CSMD1: variants seen among roughly 807,000 people sequenced by gnomAD.
CSMD1 encodes CUB and sushi domain-containing protein 1.
A neutral mutation model predicts 417.5 loss-of-function variants in CSMD1; 213 were observed. That is an observed-to-expected ratio of 0.51 (90% confidence interval 0.46 to 0.57). CSMD1 has a LOEUF of 0.57. Ranked by LOEUF, CSMD1 falls within the 20% of genes least tolerant of loss-of-function variation. The pLI is 0.00. For missense variants in CSMD1, 6,923 were observed against 4,529.7 expected, an observed-to-expected ratio of 1.53 and a Z score of -15.17; for synonymous variants, 2,862 against 1,736.8, an observed-to-expected ratio of 1.65 and a Z score of -16.11.
chr8:3,692,424 G>A (rs978644684), intron 7 of CSMD1, among the ~76,000 whole-genome samples: 1 of 150,734 alleles, frequency 6.6e-6, no homozygotes, highest in Non-Finnish European at 1.5e-5. Context: ...TAAGCCACCA[G>A]ACATTTATAC....
chr8:3,066,688 T>A (rs947555075), intron 49 of CSMD1, among the ~76,000 whole-genome samples: 1 of 152,172 alleles, frequency 6.6e-6, no homozygotes, highest in Non-Finnish European at 1.5e-5. Flanking sequence ...GCTCTGTAGA[T>A]TCCAAACAGA....
chr8:3,478,209 C>A (rs10090206), intron 11 of CSMD1, among the ~76,000 whole-genome samples: 1 of 152,030 alleles, frequency 6.6e-6, no homozygotes, highest in Non-Finnish European at 1.5e-5. Context: ...CATTTACAAT[C>A]GCTATTTTAA....
chr8:3,869,770 G>A (rs902022619), intron 5 of CSMD1, among the ~76,000 whole-genome samples: 4 of 152,098 alleles, frequency 2.6e-5, no homozygotes, highest in African/African-American at 4.8e-5. Context: ...GGGGCCAGGG[G>A]TTTGATGTCA....
intron 1 of CSMD1, among the ~76,000 whole-genome samples, chr8:4,682,245 G>C (rs375570877): frequency 1.4e-4 from 21 of 152,064 alleles, no homozygotes; most frequent in African/African-American, 4.1e-4. Context: ...GCCCAGGCTG[G>C]TCTCAAACTC....
intron 23 of CSMD1, among the ~76,000 whole-genome samples, chr8:3,311,493 G>C (rs1281277029): frequency 6.8e-6 from 1 of 146,788 alleles, no homozygotes; most frequent in Non-Finnish European, 1.5e-5. Context: ...CAAGTGATTT[G>C]CTTGCCTCGG....
At chr8:3,532,390 T>A (rs968550427) in intron 10 of CSMD1, among the ~76,000 whole-genome samples, 1 of 152,112 alleles carries the variant, frequency 6.6e-6, no homozygotes, top group Non-Finnish European at 1.5e-5. Flanking sequence ...GAGCGAGTGG[T>A]GAGGATGGTG....
chr8:3,338,942 G>A (rs908086775), intron 23 of CSMD1, among the ~76,000 whole-genome samples: 5 of 150,020 alleles, frequency 3.3e-5, no homozygotes, highest in South Asian at 4.2e-4. Context: ...CCACTAACTC[G>A]TCATCTAGCA....
chr8:3,628,738 A>T (rs970723723), intron 7 of CSMD1, among the ~76,000 whole-genome samples: 1 of 152,094 alleles, frequency 6.6e-6, no homozygotes, highest in Non-Finnish European at 1.5e-5. Context: ...AGCTCATGAG[A>T]GCCATACGGA....
Position 3,646,664 on chromosome 8 carries a change from A to G in CSMD1, c.1010-29867T>C, listed in dbSNP as rs546739562. 9.9e-5 allele frequency among the ~76,000 whole-genome samples: 15 copies of G among 152,270 alleles called. No individual in the cohort carries two copies. In the East Asian group the frequency reaches 2.7e-3, roughly 28 times the overall value. On this transcript the variant is annotated intron_variant, in intron 7 of 69. Transcript: ENST00000635120. ...CTGCCAAAGCCGTGCTCAGAGGGCC[A>G]AGACTTGCATTGTTTCACACCTCAT...
intron 10 of CSMD1, among the ~76,000 whole-genome samples, chr8:3,503,398 C>A (rs1022605451): frequency 6.6e-6 from 1 of 152,342 alleles, no homozygotes; most frequent in Admixed American, 6.5e-5. Context: ...GTCAAAGCTG[C>A]TAGTGATTCA....
At chr8:3,575,578 G>C (rs527508450) in intron 9 of CSMD1, among the ~76,000 whole-genome samples, 2 of 152,214 alleles carry the variant, frequency 1.3e-5, no homozygotes, top group Admixed American at 6.5e-5. Context: ...AAGGGTTTTG[G>C]AGCAGATGAT....
intron 1 of CSMD1, among the ~76,000 whole-genome samples, chr8:4,919,379 T>C (rs1806284878): frequency 6.6e-6 from 1 of 152,170 alleles, no homozygotes; most frequent in African/African-American, 2.4e-5. Flanking sequence ...AAACAAATAA[T>C]CTAATAAATT....
At chr8:4,212,748 A>ATTTTTTTTTTTTT (rs1233118651) in intron 3 of CSMD1, among the ~76,000 whole-genome samples, 12 of 101,856 alleles carry the variant, frequency 1.2e-4, no homozygotes, top group East Asian at 6.7e-4. Flanking sequence ...CAGCGGCCTT[A>ATTTTTTTTTTTTT]TTCTTTTTTT....
rs554017924 is a variant in CSMD1 at position 4,753,796 on chromosome 8, C to G, written c.86-116238G>C. Reference sequence around the variant, plus strand: ...CCTTTCCTCCCCACCACTGCCTCCTCCTTTACTCCATCGCACTTTCTTCAT... The same window carrying G: ...CCTTTCCTCCCCACCACTGCCTCCTGCTTTACTCCATCGCACTTTCTTCAT... On this transcript the variant is annotated intron_variant, in intron 1 of 69. Coordinates refer to ENST00000635120, the MANE Select transcript of CSMD1 (RefSeq NM_033225.6). Among the ~76,000 whole-genome samples the G allele has an allele frequency of 2.0e-5, 3 of 152,318 alleles. No individual in the cohort carries two copies. The East Asian group carries it at 5.8e-4, about 29-fold the overall frequency.
intron 3 of CSMD1, among the ~76,000 whole-genome samples, chr8:4,361,951 C>T (rs955244974): frequency 9.2e-5 from 14 of 151,954 alleles, no homozygotes; most frequent in Non-Finnish European, 1.6e-4. Flanking sequence ...GGCAACACAG[C>T]AAGACTCCAT....
At chr8:2,993,981 TAA>T (rs34441038) in intron 54 of CSMD1, among the ~76,000 whole-genome samples, 11 of 118,522 alleles carry the variant, frequency 9.3e-5, no homozygotes, top group Non-Finnish European at 1.9e-5. Context: ...CCATCCCTAC[TAA>T]AAAAAAAAAA....
chr8:3,350,132 T>C lies in CSMD1; in HGVS notation c.3305-1971A>G, dbSNP rs1361670668. Among the ~76,000 whole-genome samples the C allele has an allele frequency of 2.0e-5, 2 of 101,994 alleles. 1 individual carries two copies. The highest frequency in any genetic ancestry group is 7.3e-5 in the African/African-American group (2 of 27,236). 66.9% of individuals were successfully genotyped at this position (101,994 alleles called of 152,430 possible). A position where few individuals can be genotyped will look rare whatever the true frequency, so the allele number is the denominator to read the frequency against. On this transcript the variant is annotated intron_variant, in intron 21 of 69. Coordinates refer to ENST00000635120, the MANE Select transcript of CSMD1 (RefSeq NM_033225.6). ...GTGTATGTGTGTGTTACAATACCTA[T>C]AATAACCTATAATAACTTGTGTATG...
At chr8:4,765,736 T>C (rs1379000316) in intron 1 of CSMD1, among the ~76,000 whole-genome samples, 5 of 152,162 alleles carry the variant, frequency 3.3e-5, no homozygotes, top group East Asian at 1.9e-4. Flanking sequence ...AGAGGAGGAA[T>C]TTTAGTTGGG....
At chr8:4,874,275 G>C (rs576072624) in intron 1 of CSMD1, among the ~76,000 whole-genome samples, 3 of 151,832 alleles carry the variant, frequency 2.0e-5, no homozygotes, top group African/African-American at 7.3e-5. Flanking sequence ...GCCTAAAATC[G>C]CATTCTAAAA....
Sources: gnomAD v4.1 joint callset for allele counts (sites outside exome capture counted in the v4.1 genomes callset) on GRCh38, gnomAD v4.1.1 for gene constraint, MANE v1.5 for transcripts, NCBI Gene and HGNC (gene_info 2026-07-23, HGNC 2026-07-21) for gene names.